The following DAZL variants were observed in gnomAD, a reference collection of about 807,000 sequenced individuals.
DAZL encodes the protein deleted in azoospermia like.
A neutral mutation model predicts 45.0 loss-of-function variants in DAZL; 4 were observed. The ratio of observed to expected loss-of-function variants is 0.09; its 90% CI spans 0.04 to 0.20. The LOEUF is 0.20. DAZL is among the 10% of genes least tolerant of loss of function. DAZL has a pLI of 1.00. For synonymous variants in DAZL, 122 were observed against 112.4 expected, an observed-to-expected ratio of 1.09 and a Z score of -0.54; for missense variants, 326 against 351.3, an observed-to-expected ratio of 0.93 and a Z score of 0.58.
At position 16,598,510 on chromosome 3, in the gene DAZL, A is replaced by C. The variant is rs1306216265; in HGVS notation, c.92T>G (p.Ile31Ser). ...SSSAATSQGY[I>S]LPEGKIMPNT... ...TGGCATGATTTTGCCTTCTGGTAAA[A>C]TATAGCCTTGGCTGGTTGCAGCTGA... The change falls in exon 2 of 11, where the codon ATT becomes AGT. Residue 31 changes from isoleucine to serine, a missense_variant. By Grantham distance (142) the Ile-to-Ser change is moderately radical (BLOSUM62 -2). Transcript: ENST00000399444. 6.2e-7 allele frequency: 1 copy of C among 1,608,760 alleles called. No homozygotes were observed.
chr3:16,603,350 ATTT>A (rs35320883), intron 1 of DAZL, among the ~76,000 whole-genome samples: 3 of 148,168 alleles, frequency 2.0e-5, no homozygotes, highest in Non-Finnish European at 3.0e-5. Flanking sequence ...TATTCATAGC[ATTT>A]TTTTTTTTTT....
intron 1 of DAZL, 111 bp downstream of exon 1, chr3:16,605,088 GCCCC>G: frequency 7.5e-7 from 1 of 1,339,658 alleles, no homozygotes. Flanking sequence ...CCAGGCAGGT[GCCCC>G]CCAAACAGGA....
At chr3:16,592,568 T>C (rs1384983519) in intron 9 of DAZL, among the ~76,000 whole-genome samples, 5 of 78,344 alleles carry the variant, frequency 6.4e-5, no homozygotes, top group African/African-American at 2.4e-4. Flanking sequence ...GACTCTGTCT[T>C]GGGGAAAAAA....
intron 10 of DAZL, among the ~76,000 whole-genome samples, chr3:16,590,138 C>T (rs1694494987): frequency 6.6e-6 from 1 of 151,618 alleles, no homozygotes; most frequent in South Asian, 2.1e-4. Context: ...CTGTAGACAC[C>T]TATGTAATCA....
At chr3:16,600,341 A>T (rs977422293) in intron 1 of DAZL, among the ~76,000 whole-genome samples, 1 of 152,216 alleles carries the variant, frequency 6.6e-6, no homozygotes, top group Non-Finnish European at 1.5e-5. Flanking sequence ...TAGAGATGAA[A>T]TCTAAATTGT....
rs1559406575 is a variant in DAZL, at chr3:16,605,415, A to T, written c.-210T>A. On this transcript the variant is annotated 5_prime_UTR_variant, in exon 1 of 11. Transcript: ENST00000399444. ...GGCGGACCGTCAGGCTGAGGAGCGCAGGCGGACTGAGGCGTGGTCCGCGGG... is the reference window on the plus strand; with the variant it reads ...GGCGGACCGTCAGGCTGAGGAGCGCTGGCGGACTGAGGCGTGGTCCGCGGG... The T allele has an allele frequency of 6.2e-6, 4 of 643,156 alleles. No homozygotes were observed. Among genetic ancestry groups the T allele is most frequent in the Non-Finnish European group, 1.1e-5 (4 of 358,230 alleles). 39.8% of individuals were successfully genotyped at this position (643,156 alleles called of 1,614,324 possible). A position where few individuals can be genotyped will look rare whatever the true frequency, so the allele number is the denominator to read the frequency against.
rs1397386102 is a variant in DAZL, at chr3:16,596,635, TC to T, written c.498+114del. On this transcript the variant is annotated intron_variant, in intron 6 of 10. Transcript: ENST00000399444. ...ACAAAAGTAATAAATTTCCCATCAC[TC>T]AAAGTATTCAAACAGGGATGCCATT... is the stretch of plus-strand genomic sequence containing the variant. 4 of 1,148,376 alleles carry T rather than the reference TC, an allele frequency of 3.5e-6. No homozygotes were observed. The African/African-American group carries it at 6.2e-5, about 18-fold the overall frequency. The allele number at this position is 1,148,376 out of a possible 1,614,324, so 71.1% of individuals were successfully genotyped here.
intron 3 of DAZL, 37 bp downstream of exon 3, chr3:16,598,050 T>G (rs757771812): frequency 2.1e-6 from 3 of 1,452,058 alleles, no homozygotes; most frequent in Non-Finnish European, 2.9e-6. Flanking sequence ...ACTCTATACG[T>G]GGCTAGAGTT....
intron 10 of DAZL, among the ~76,000 whole-genome samples, chr3:16,590,716 T>C (rs1483491138): frequency 2.0e-5 from 3 of 152,192 alleles, no homozygotes; most frequent in African/African-American, 4.8e-5. Flanking sequence ...GCTAGAATAT[T>C]GATGAACCTT....
chr3:16,605,110 G>T, intron 1 of DAZL, 93 bp downstream of exon 1: 1 of 1,516,896 alleles, frequency 6.6e-7, no homozygotes, highest in Non-Finnish European at 9.2e-7. Context: ...GGAAAGCCGA[G>T]GATGACTTCA....
intron 1 of DAZL, among the ~76,000 whole-genome samples, chr3:16,601,263 T>G (rs544100157): frequency 6.6e-6 from 1 of 151,474 alleles, no homozygotes; most frequent in South Asian, 2.1e-4. Flanking sequence ...AACAGTAGTT[T>G]GGTAAAGAGG....
chr3:16,604,592 C>T, intron 1 of DAZL: 1 of 1,396,080 alleles, frequency 7.2e-7, no homozygotes, highest in Non-Finnish European at 9.3e-7. Context: ...CTTCAGGACG[C>T]CCCACACCCC....
At chr3:16,601,138 G>GT (rs1368132921) in intron 1 of DAZL, among the ~76,000 whole-genome samples, 3 of 152,200 alleles carry the variant, frequency 2.0e-5, no homozygotes, top group African/African-American at 7.2e-5. Context: ...GTTCAGTAAA[G>GT]TAAGTCTTTT....
Position 16,605,422 on chromosome 3 carries a change from C to A in DAZL, c.-217G>T. On this transcript the variant is annotated 5_prime_UTR_variant, in exon 1 of 11. Coordinates refer to ENST00000399444, the MANE Select transcript of DAZL (RefSeq NM_001351.4). ...CGTCAGGCTGAGGAGCGCAGGCGGA[C>A]TGAGGCGTGGTCCGCGGGGCTCAGG... The A allele has an allele frequency of 4.7e-6, 3 of 641,894 alleles. No individual in the cohort carries two copies. Among genetic ancestry groups the A allele is most frequent in the Non-Finnish European group, 8.4e-6 (3 of 357,596 alleles). 39.8% of individuals were successfully genotyped at this position (641,894 alleles called of 1,614,324 possible).
intron 10 of DAZL, 37 bp downstream of exon 10, chr3:16,592,013 T>A (rs1202049285): frequency 1.9e-6 from 3 of 1,588,222 alleles, no homozygotes; most frequent in Non-Finnish European, 2.6e-6. Context: ...AGCTAACAAG[T>A]GTGCTTTTTA....
At position 16,605,413 on chromosome 3, in the gene DAZL, G is replaced by A. The variant is rs1326995806; in HGVS notation, c.-208C>T. 9.1e-6 allele frequency: 6 copies of A among 655,764 alleles called. No homozygotes were observed. Among genetic ancestry groups the A allele is most frequent in the South Asian group, 5.3e-5 (3 of 56,808 alleles). The allele number at this position is 655,764 out of a possible 1,614,324, so 40.6% of individuals were successfully genotyped here. ...AAGGCGGACCGTCAGGCTGAGGAGC[G>A]CAGGCGGACTGAGGCGTGGTCCGCG... is the stretch of plus-strand genomic sequence containing the variant. On this transcript the variant is annotated 5_prime_UTR_variant, in exon 1 of 11. Coordinates refer to ENST00000399444, the MANE Select transcript of DAZL (RefSeq NM_001351.4).
chr3:16,603,370 G>C (rs1013802219), intron 1 of DAZL, among the ~76,000 whole-genome samples: 2 of 149,468 alleles, frequency 1.3e-5, no homozygotes, highest in Non-Finnish European at 3.0e-5. Flanking sequence ...TTTTGAGACT[G>C]AGCCTCCCCT....
In DAZL at chr3:16,594,586, TAAA is replaced by T. The variant is rs35729175; in HGVS notation, c.571-6_571-4del. 435 of 1,374,880 alleles carry T rather than the reference TAAA, an allele frequency of 3.2e-4. No homozygotes were observed. Among genetic ancestry groups the T allele is most frequent in the South Asian group, 8.2e-4 (56 of 68,708 alleles). The allele number at this position is 1,374,880 out of a possible 1,614,324, so 85.2% of individuals were successfully genotyped here. A position where few individuals can be genotyped will look rare whatever the true frequency, so the allele number is the denominator to read the frequency against. On this transcript the variant is annotated splice_region_variant and splice_polypyrimidine_tract_variant and intron_variant, in intron 7 of 10. Transcript: ENST00000399444. ...CCAACAGGCCACTGTGGTGGCATCTTAAAAAAAAAAAAAAGGAAACCAAAATTA... is the reference window on the plus strand; with the variant it reads ...CCAACAGGCCACTGTGGTGGCATCTTAAAAAAAAAAAGGAAACCAAAATTA...
At chr3:16,597,936 T>C in intron 3 of DAZL, 151 bp downstream of exon 3, 1 of 824,562 alleles carries the variant, frequency 1.2e-6, no homozygotes, top group East Asian at 3.1e-5. Flanking sequence ...AGAAAAATGA[T>C]TAAAAGAGCT....
Sources: allele counts gnomAD v4.1 joint callset (sites outside exome capture counted in the v4.1 genomes callset), GRCh38; gene constraint gnomAD v4.1.1; transcripts MANE v1.5; gene names NCBI Gene and HGNC (gene_info 2026-07-23, HGNC 2026-07-21).